Variants in LRRC4C observed in about 807,000 individuals in gnomAD.
LRRC4C encodes leucine rich repeat containing 4C.
Under a neutral mutation model 33.6 loss-of-function variants are expected in LRRC4C, and 5 were observed. The ratio of observed to expected loss-of-function variants is 0.15; its 90% CI spans 0.08 to 0.31. The LOEUF (loss-of-function observed/expected upper bound fraction) is 0.31. LRRC4C is among the 10% of genes least tolerant of loss of function. LRRC4C has a pLI of 1.00. For missense variants in LRRC4C, 560 were observed against 796.7 expected, an observed-to-expected ratio of 0.70 and a Z score of 3.58; for synonymous variants, 329 against 302.0, an observed-to-expected ratio of 1.09 and a Z score of -0.93.
chr11:40,136,346 A>C lies in LRRC4C; in HGVS notation c.-43+4455T>G, dbSNP rs527305166. ...CAGTGGCGCGATCTCGGCTCACTGC[A>C]AGCTCTGCCTCCTGGGTTCACGCCA... On this transcript the variant is annotated intron_variant, in intron 6 of 6. Coordinates refer to ENST00000528697, the MANE Select transcript of LRRC4C (RefSeq NM_001258419.2). Among the ~76,000 whole-genome samples the C allele has an allele frequency of 5.3e-5, 8 of 151,788 alleles. No individual in the cohort carries two copies. The East Asian group carries it at 1.4e-3, about 26-fold the overall frequency.
At chr11:41,450,423 A>G (rs1955980928) in intron 1 of LRRC4C, among the ~76,000 whole-genome samples, 1 of 152,206 alleles carries the variant, frequency 6.6e-6, no homozygotes, top group African/African-American at 2.4e-5. Flanking sequence ...TTTAAAAGGT[A>G]ATAGAAAAAA....
At chr11:40,947,762 TCTC>T in intron 1 of LRRC4C, among the ~76,000 whole-genome samples, 1 of 152,058 alleles carries the variant, frequency 6.6e-6, no homozygotes, top group East Asian at 1.9e-4. Context: ...CTGATATCCT[TCTC>T]CTGCAAACTC....
At chr11:40,527,868 C>T (rs1956119387) in intron 3 of LRRC4C, among the ~76,000 whole-genome samples, 1 of 152,100 alleles carries the variant, frequency 6.6e-6, no homozygotes, top group African/African-American at 2.4e-5. Flanking sequence ...CCTGCCTCAG[C>T]CTCCCAAGTA....
chr11:41,001,134 A>T (rs1854346678), intron 1 of LRRC4C, among the ~76,000 whole-genome samples: 1 of 152,158 alleles, frequency 6.6e-6, no homozygotes, highest in Non-Finnish European at 1.5e-5. Context: ...ACTGATTAAA[A>T]AAAAGATAAA....
intron 1 of LRRC4C, among the ~76,000 whole-genome samples, chr11:40,995,952 CTAATA>C (rs1263056881): frequency 5.8e-4 from 88 of 152,272 alleles, no homozygotes; most frequent in Middle Eastern, 3.4e-3. Context: ...AAAGTCTACT[CTAATA>C]TGAGTATTAG....
At chr11:40,903,555 T>G (rs1956296584) in intron 2 of LRRC4C, among the ~76,000 whole-genome samples, 1 of 152,214 alleles carries the variant, frequency 6.6e-6, no homozygotes, top group African/African-American at 2.4e-5. Context: ...TAGAACCTTT[T>G]GAAAAGGATT....
At chr11:40,697,300 C>T (rs897391242) in intron 2 of LRRC4C, among the ~76,000 whole-genome samples, 1 of 151,984 alleles carries the variant, frequency 6.6e-6, no homozygotes, top group African/African-American at 2.4e-5. Context: ...GAAAGAATGA[C>T]CTTGAACTGG....
chr11:40,539,590 G>A (rs1165345806), intron 3 of LRRC4C, among the ~76,000 whole-genome samples: 6 of 151,920 alleles, frequency 3.9e-5, no homozygotes, highest in East Asian at 3.9e-4. Flanking sequence ...ACAAAAAGAT[G>A]GGGATAGTTG....
chr11:41,026,066 A>G (rs1856327095), intron 1 of LRRC4C, among the ~76,000 whole-genome samples: 1 of 151,804 alleles, frequency 6.6e-6, no homozygotes, highest in African/African-American at 2.4e-5. Context: ...TCTGTAACCT[A>G]TGGATCAAAG....
Position 40,992,736 on chromosome 11 carries a change from C to T in LRRC4C, c.-495-59013G>A, listed in dbSNP as rs189782502. 2.6e-3 allele frequency among the ~76,000 whole-genome samples: 391 copies of T among 152,218 alleles called. 1 individual carries two copies. Among genetic ancestry groups the T allele is most frequent in the South Asian group, 9.1e-3 (44 of 4,818 alleles). On this transcript the variant is annotated intron_variant, in intron 1 of 6. Coordinates refer to ENST00000528697, the MANE Select transcript of LRRC4C (RefSeq NM_001258419.2). Reference sequence around the variant, plus strand: ...GACATTAAGAACTATAAGATTGCTACGACATTAATTTAAAATTAAACTATG... The same window carrying T: ...GACATTAAGAACTATAAGATTGCTATGACATTAATTTAAAATTAAACTATG...
At chr11:40,860,176 G>C (rs111393859) in intron 2 of LRRC4C, among the ~76,000 whole-genome samples, 3,281 of 151,774 alleles carry the variant, frequency 0.022, 129 homozygotes, top group African/African-American at 0.076. Flanking sequence ...AAACACAGAG[G>C]GTCACACATT....
At chr11:41,298,722 C>T (rs1414929753) in intron 1 of LRRC4C, among the ~76,000 whole-genome samples, 1 of 152,050 alleles carries the variant, frequency 6.6e-6, no homozygotes, top group African/African-American at 2.4e-5. Flanking sequence ...GAACTCTGGG[C>T]TTTTTGTATG....
At chr11:40,406,705 T>G (rs1949977081) in intron 3 of LRRC4C, among the ~76,000 whole-genome samples, 1 of 152,114 alleles carries the variant, frequency 6.6e-6, no homozygotes, top group Admixed American at 6.6e-5. Flanking sequence ...ATACAACAAT[T>G]TTTTTTCTAA....
intron 3 of LRRC4C, among the ~76,000 whole-genome samples, chr11:40,566,328 C>T (rs1957767875): frequency 1.3e-5 from 2 of 151,808 alleles, no homozygotes; most frequent in African/African-American, 4.8e-5. Flanking sequence ...TTTAGAGTTG[C>T]TCCTCGAAAG....
At chr11:41,376,705 G>A (rs1202818898) in intron 1 of LRRC4C, among the ~76,000 whole-genome samples, 1 of 151,950 alleles carries the variant, frequency 6.6e-6, no homozygotes, top group African/African-American at 2.4e-5. Flanking sequence ...GTGTATTTGT[G>A]TATGTATAAT....
Position 41,276,229 on chromosome 11 carries a change from G to A in LRRC4C, c.-496+183202C>T, listed in dbSNP as rs564957066. ...AAAATATTGTCTGTATAAGAAGTGT[G>A]AGTCTTGACATTCTCAGGTGACCTG... On this transcript the variant is annotated intron_variant, in intron 1 of 6. Transcript: ENST00000528697. 2.0e-5 allele frequency among the ~76,000 whole-genome samples: 3 copies of A among 152,254 alleles called. No homozygotes were observed. The South Asian group carries it at 6.2e-4, about 32-fold the overall frequency.
chr11:40,373,260 A>G (rs78523528), intron 3 of LRRC4C, among the ~76,000 whole-genome samples: 11,319 of 152,146 alleles, frequency 0.074, 1,355 homozygotes, highest in African/African-American at 0.25. Context: ...CCTCGGGGTA[A>G]TGAATGATAT....
At chr11:40,670,245 G>A (rs1326798756) in intron 2 of LRRC4C, among the ~76,000 whole-genome samples, 1 of 152,174 alleles carries the variant, frequency 6.6e-6, no homozygotes, top group Non-Finnish European at 1.5e-5. Context: ...ATACACTGCG[G>A]TGTCCCTGTA....
At chr11:40,462,843 C>A (rs1952465523) in intron 3 of LRRC4C, among the ~76,000 whole-genome samples, 1 of 151,974 alleles carries the variant, frequency 6.6e-6, no homozygotes, top group South Asian at 2.1e-4. Context: ...ATCATCTAAA[C>A]CTCCTTAGGT....
Sources: gnomAD v4.1 joint callset for allele counts (sites outside exome capture counted in the v4.1 genomes callset) on GRCh38, gnomAD v4.1.1 for gene constraint, MANE v1.5 for transcripts, NCBI Gene and HGNC (gene_info 2026-07-23, HGNC 2026-07-21) for gene names.